ADAMTS15: variants seen among roughly 807,000 people sequenced by gnomAD.
ADAMTS15 encodes ADAM metallopeptidase with thrombospondin type 1 motif 15, also known as A disintegrin and metalloproteinase with thrombospondin motifs 15.
In ADAMTS15, 35 loss-of-function variants were observed where a neutral mutation model predicts 79.1. The observed-to-expected ratio is 0.44, with a 90% CI of 0.34 to 0.59. The LOEUF (loss-of-function observed/expected upper bound fraction) is 0.59, where lower values mean the gene tolerates loss of function less well. Among genes scored for constraint, ADAMTS15 ranks in the 20% least tolerant of loss-of-function variants. ADAMTS15 has a pLI of 0.02. For synonymous variants in ADAMTS15, 616 were observed against 567.3 expected (o/e 1.09, Z -1.22); for missense variants, 1,324 against 1,318.7 (o/e 1.00, Z -0.06).
chr11:130,471,036 C>T lies in ADAMTS15; in HGVS notation c.1837C>T (p.Arg613Trp), dbSNP rs139100319. The T allele has an allele frequency of 2.3e-5, 37 of 1,613,726 alleles. No individual in the cohort carries two copies. Among genetic ancestry groups the T allele is most frequent in the African/African-American group, 1.3e-4 (10 of 74,944 alleles). ...GCCCAAGTACTCCGGCGTGTCTCCC[C>T]GGGACAAGTGCAAGCTCATCTGCCG... ...WVPKYSGVSP[R>W]DKCKLICRAN... Residue 613 changes from arginine to tryptophan, a missense_variant, in exon 6 of 8, where the codon CGG (arginine) becomes TGG (tryptophan). Transcript: ENST00000299164.
chr11:130,450,158 A>G, intron 1 of ADAMTS15: 1 of 985,468 alleles, frequency 1.0e-6, no homozygotes, highest in Non-Finnish European at 1.2e-6. Flanking sequence ...CGCTTTCCGA[A>G]GGTGTTGGCC....
intron 1 of ADAMTS15, among the ~76,000 whole-genome samples, chr11:130,452,566 G>GTCCA (rs1937987643): frequency 6.6e-6 from 1 of 152,154 alleles, no homozygotes; most frequent in Non-Finnish European, 1.5e-5. Context: ...CTGCCGTTTG[G>GTCCA]GTGACCCTTT....
Position 130,473,441 on chromosome 11 carries a change from G to T in ADAMTS15, c.2473G>T (p.Val825Phe). 3 of 1,612,712 alleles carry T rather than the reference G, an allele frequency of 1.9e-6. No homozygotes were observed. The highest frequency in any genetic ancestry group is 2.5e-6 in the Non-Finnish European group (3 of 1,179,950). The stretch of plus-strand genomic sequence containing the variant: ...GGGACCCTCTGTCTTGCACAACAGC[G>T]TCCTCAGCCTCTCCAACCAGGTGGA... ...PRGPSVLHNS[V>F]LSLSNQVEQP... Residue 825 changes from valine to phenylalanine, a missense_variant, in exon 8 of 8, where the codon GTC (valine) becomes TTC (phenylalanine). Coordinates refer to ENST00000299164, the MANE Select transcript of ADAMTS15 (RefSeq NM_139055.4).
chr11:130,449,697 C>G lies in ADAMTS15; in HGVS notation c.724C>G (p.Leu242Val). The change falls in exon 1 of 8, where the codon CTG (leucine) becomes GTG (valine). Residue 242 changes from leucine to valine, a missense_variant. By Grantham distance (32) the Leu-to-Val change is conservative. Transcript: ENST00000299164. The surrounding 1 kb of genome is among the most constrained non-coding windows in gnomAD (Gnocchi z 7.8). ...CCACGGCGCGGACCTGGAACATTAT[C>G]TGCTGACGCTGCTGGCAACGGCGGC... ...KFHGADLEHYLLTLLATAARL... is the reference protein window; with the variant it reads ...KFHGADLEHYVLTLLATAARL... 1 of 1,608,786 alleles carries G rather than the reference C, an allele frequency of 6.2e-7. No homozygotes were observed.
intron 1 of ADAMTS15, among the ~76,000 whole-genome samples, chr11:130,455,379 G>A (rs529082613): frequency 6.6e-6 from 1 of 152,152 alleles, no homozygotes; most frequent in Non-Finnish European, 1.5e-5. Flanking sequence ...TCCAATTTTT[G>A]TATGGAAGCT....
At chr11:130,471,709 G>A (rs1938465500) in intron 7 of ADAMTS15, among the ~76,000 whole-genome samples, 1 of 152,182 alleles carries the variant, frequency 6.6e-6, no homozygotes, top group Non-Finnish European at 1.5e-5. Context: ...TCAGATCGCA[G>A]TTACCCATTT....
At chr11:130,461,671 C>T (rs776283325) in intron 2 of ADAMTS15, 50 bp downstream of exon 2, 4 of 1,607,972 alleles carry the variant, frequency 2.5e-6, no homozygotes, top group African/African-American at 2.7e-5. Context: ...GCCTGGGGAG[C>T]CTGGAGGGTG....
intron 4 of ADAMTS15, among the ~76,000 whole-genome samples, chr11:130,466,959 C>T (rs1938313513): frequency 6.6e-6 from 1 of 152,158 alleles, no homozygotes; most frequent in African/African-American, 2.4e-5. Flanking sequence ...TCCTCCCTAC[C>T]ACCTGCTATG....
chr11:130,455,082 G>A (rs2131534), intron 1 of ADAMTS15, among the ~76,000 whole-genome samples: 138,707 of 152,158 alleles, frequency 0.91, 63,457 homozygotes, highest in East Asian at 1. Flanking sequence ...TGGACATTGC[G>A]TGAGTCAGCT....
Position 130,473,590 on chromosome 11 carries a change from G to C in ADAMTS15, c.2622G>C (p.Thr874=), listed in dbSNP as rs367980831. The C allele has an allele frequency of 3.1e-6, 5 of 1,607,036 alleles. No homozygotes were observed. Among genetic ancestry groups the C allele is most frequent in the African/African-American group, 2.7e-5 (2 of 74,804 alleles). ...GCCGGGGCTCCGCCGGGCAGCGCACGGTCCCTGCCTGTGATGCAGCCCATC... is the reference window on the plus strand; with the variant it reads ...GCCGGGGCTCCGCCGGGCAGCGCACCGTCCCTGCCTGTGATGCAGCCCATC... ...VDCRGSAGQR[T]VPACDAAHRP... is the part of the protein sequence containing the mutation. Residue 874 remains threonine, a synonymous_variant, in exon 8 of 8, where the codon ACG becomes ACC. Transcript: ENST00000299164.
In ADAMTS15 at chr11:130,458,479, A is replaced by T. The variant is rs189109918; in HGVS notation, c.958-3010A>T. 6.6e-5 allele frequency among the ~76,000 whole-genome samples: 10 copies of T among 152,306 alleles called. No individual in the cohort carries two copies. The East Asian group carries it at 1.5e-3, about 24-fold the overall frequency. On this transcript the variant is annotated intron_variant, in intron 1 of 7. Coordinates refer to ENST00000299164, the MANE Select transcript of ADAMTS15 (RefSeq NM_139055.4). ...TACATGACTTGGGTCAGTAGACAAG[A>T]TGTTCCTTGGGGTTCTAAAAATATG...
intron 5 of ADAMTS15, among the ~76,000 whole-genome samples, chr11:130,470,133 C>CATATATATATATATATATGTGTATAT (rs1938394299): frequency 4.7e-4 from 35 of 74,754 alleles, no homozygotes; most frequent in East Asian, 1.3e-3. Context: ...TATATATATA[C>CATATATATATATATATATGTGTATAT]ATATATATAT....
rs566109902 is a variant in ADAMTS15, at chr11:130,461,608, T to C, written c.1077T>C (p.Thr359=). 4 of 1,614,130 alleles carry C rather than the reference T, an allele frequency of 2.5e-6. No homozygotes were observed. Among genetic ancestry groups the C allele is most frequent in the Non-Finnish European group, 8.5e-7 (1 of 1,180,014 alleles). The part of the protein sequence containing the change: ...EDDGLPSAFT[T]AHELGHVFNM... ...ATGGGCTTCCATCAGCCTTCACCAC[T>C]GCCCACGAGCTGGGTAAGGCTGGAT... Residue 359 remains threonine (T), a synonymous_variant, in exon 2 of 8, where the codon ACT becomes ACC. Transcript: ENST00000299164.
At position 130,449,009 on chromosome 11, in the gene ADAMTS15, C is replaced by G; in HGVS notation, c.36C>G (p.Ala12=). 6.6e-7 allele frequency: 1 copy of G among 1,510,022 alleles called. No homozygotes were observed. Among genetic ancestry groups the G allele is most frequent in the Non-Finnish European group, 8.9e-7 (1 of 1,129,570 alleles). The allele number at this position is 1,510,022 out of a possible 1,614,324, so 93.5% of individuals were successfully genotyped here. ...TGGGCATCCTAACCCTGGCTTTCGC[C>G]GGGCGAACCGCTGGAGGCTCTGAGC... The part of the protein sequence containing the change: ...LLLGILTLAF[A]GRTAGGSEPE... The change falls in exon 1 of 8, where the codon GCC becomes GCG. Residue 12 remains alanine (A), a synonymous_variant. Coordinates refer to ENST00000299164, the MANE Select transcript of ADAMTS15 (RefSeq NM_139055.4). This position sits in a 1 kb window ranked among gnomAD's most constrained non-coding sequence, Gnocchi z 7.8.
Position 130,449,943 on chromosome 11 carries a change from G to A in ADAMTS15, c.957+13G>A, listed in dbSNP as rs763273616. ...CTTCACCAGGCAGGTGAGTTGATCTGCCGTCACTTTGCACCCAGATAGTCC... is the reference window on the plus strand; with the variant it reads ...CTTCACCAGGCAGGTGAGTTGATCTACCGTCACTTTGCACCCAGATAGTCC... On this transcript the variant is annotated intron_variant, in intron 1 of 7. Coordinates refer to ENST00000299164, the MANE Select transcript of ADAMTS15 (RefSeq NM_139055.4). The surrounding 1 kb of genome is among the most constrained non-coding windows in gnomAD (Gnocchi z 7.8). 1 of 1,595,820 alleles carries A rather than the reference G, an allele frequency of 6.3e-7. No homozygotes were observed. The highest frequency in any genetic ancestry group is 1.1e-5 in the South Asian group (1 of 90,918).
Position 130,473,742 on chromosome 11 carries a change from G to T in ADAMTS15, c.2774G>T (p.Gly925Val). The T allele has an allele frequency of 1.3e-6, 2 of 1,599,546 alleles. No individual in the cohort carries two copies. The highest frequency in any genetic ancestry group is 2.2e-5 in the South Asian group (2 of 91,078). The part of the protein sequence containing the change: ...RRSLKCVGHG[G>V]RLLARDQCNL... ...TCACTCAAGTGTGTGGGCCACGGAGGCCGGCTGCTGGCCCGGGACCAGTGC... is the reference window on the plus strand; with the variant it reads ...TCACTCAAGTGTGTGGGCCACGGAGTCCGGCTGCTGGCCCGGGACCAGTGC... The change falls in exon 8 of 8, where the codon GGC (glycine) becomes GTC (valine). Residue 925 changes from glycine to valine, a missense_variant. Transcript: ENST00000299164.
At chr11:130,465,821 C>A (rs577881586) in intron 4 of ADAMTS15, among the ~76,000 whole-genome samples, 1 of 152,098 alleles carries the variant, frequency 6.6e-6, no homozygotes, top group African/African-American at 2.4e-5. Context: ...TTCTCATTAC[C>A]TTTACTGCTT....
Position 130,462,313 on chromosome 11 carries a change from C to G in ADAMTS15, c.1258+59C>G. On this transcript the variant is annotated intron_variant, in intron 3 of 7. Transcript: ENST00000299164. The surrounding 1 kb of genome is among the most constrained non-coding windows in gnomAD (Gnocchi z 4.3). ...CCTCGGAGGGGGCTTTGCTGCTGCC[C>G]CTGGTGGAGGTGCTCACTTCTCCGT... 3 of 1,547,278 alleles carry G rather than the reference C, an allele frequency of 1.9e-6. No individual in the cohort carries two copies. The highest frequency in any genetic ancestry group is 2.5e-5 in the South Asian group (2 of 81,152).
At chr11:130,470,126 A>ATACATATATATATATATATATGTG (rs1938391997) in intron 5 of ADAMTS15, among the ~76,000 whole-genome samples, 1 of 90,240 alleles carries the variant, frequency 1.1e-5, no homozygotes. Context: ...AATCATATAT[A>ATACATATATATATATATATATGTG]TATATACATA....
Sources: gnomAD v4.1 joint callset for allele counts (sites outside exome capture counted in the v4.1 genomes callset) on GRCh38, gnomAD v4.1.1 for gene constraint, Gnocchi (gnomAD v3.1) non-coding constraint, MANE v1.5 for transcripts, NCBI Gene and HGNC (gene_info 2026-07-23, HGNC 2026-07-21) for gene names.